The following UBE2E2 variants were observed in gnomAD, a reference collection of about 807,000 sequenced individuals.
UBE2E2 encodes ubiquitin-conjugating enzyme E2 E2.
A neutral mutation model predicts 24.7 loss-of-function variants in UBE2E2; 6 were observed. The observed-to-expected ratio is 0.24, with a 90% confidence interval of 0.13 to 0.48. UBE2E2 has a LOEUF of 0.48. Ranked by LOEUF, UBE2E2 falls within the 20% of genes least tolerant of loss-of-function variation. The probability of loss-of-function intolerance (pLI) is 0.99; values close to 1 mark genes in which losing one functional copy is unlikely to be tolerated. For missense variants in UBE2E2, 169 were observed against 245.0 expected (o/e 0.69, Z 2.07); for synonymous variants, 104 against 83.6 (o/e 1.24, Z -1.33).
At chr3:23,290,889 TAAAAAA>T (rs71051209) in intron 3 of UBE2E2, among the ~76,000 whole-genome samples, 4 of 86,744 alleles carry the variant, frequency 4.6e-5, no homozygotes, top group African/African-American at 9.7e-5. Context: ...ACTGTGTGTC[TAAAAAA>T]AAAAAAAAAA....
chr3:23,240,380 T>C (rs1697226359), intron 3 of UBE2E2, among the ~76,000 whole-genome samples: 1 of 152,236 alleles, frequency 6.6e-6, no homozygotes, highest in African/African-American at 2.4e-5. Flanking sequence ...TTCAAACACT[T>C]ACCAAATAAA....
intron 3 of UBE2E2, among the ~76,000 whole-genome samples, chr3:23,295,638 G>A (rs1450114606): frequency 2.6e-5 from 4 of 152,134 alleles, no homozygotes; most frequent in Non-Finnish European, 5.9e-5. Context: ...GGTGGCTAGT[G>A]GAAGTTTGGG....
intron 3 of UBE2E2, among the ~76,000 whole-genome samples, chr3:23,437,566 A>G (rs1257839498): frequency 6.6e-6 from 1 of 152,212 alleles, no homozygotes; most frequent in Non-Finnish European, 1.5e-5. Context: ...ATTAAGGGTA[A>G]AAGAAGTAGT....
At chr3:23,572,169 A>G (rs1453090025) in intron 5 of UBE2E2, among the ~76,000 whole-genome samples, 3 of 152,300 alleles carry the variant, frequency 2.0e-5, no homozygotes, top group Non-Finnish European at 4.4e-5. Context: ...AATCATGGAA[A>G]TGATCGTTTT....
intron 5 of UBE2E2, among the ~76,000 whole-genome samples, chr3:23,547,502 C>T (rs912075310): frequency 6.6e-6 from 1 of 152,196 alleles, no homozygotes; most frequent in Admixed American, 6.5e-5. Flanking sequence ...ATTCAGTCTA[C>T]ATTTATAATG....
At chr3:23,227,228 A>T (rs964910501) in intron 3 of UBE2E2, among the ~76,000 whole-genome samples, 20 of 152,226 alleles carry the variant, frequency 1.3e-4, no homozygotes, top group African/African-American at 4.3e-4. Context: ...TTTGCTCCTC[A>T]GTTTTAGTAA....
At chr3:23,225,856 A>G (rs1696805304) in intron 3 of UBE2E2, among the ~76,000 whole-genome samples, 1 of 151,172 alleles carries the variant, frequency 6.6e-6, no homozygotes, top group Non-Finnish European at 1.5e-5. Flanking sequence ...CATGGGAGCC[A>G]TTTTATAGAA....
chr3:23,514,403 C>T (rs532458646), intron 4 of UBE2E2, among the ~76,000 whole-genome samples: 12 of 152,114 alleles, frequency 7.9e-5, no homozygotes, highest in Non-Finnish European at 1.3e-4. Flanking sequence ...ATCCTTAACA[C>T]TTCTGAAATC....
chr3:23,532,457 T>C, intron 4 of UBE2E2, 97 bp from the exon 5 acceptor site: 26 of 1,124,544 alleles, frequency 2.3e-5, no homozygotes, highest in Non-Finnish European at 3.1e-5. Context: ...GGCTATTTTG[T>C]CTGATAAAAT....
At chr3:23,514,803 G>C (rs1694691950) in intron 4 of UBE2E2, among the ~76,000 whole-genome samples, 1 of 151,902 alleles carries the variant, frequency 6.6e-6, no homozygotes, top group Non-Finnish European at 1.5e-5. Flanking sequence ...TAAGAATTGA[G>C]GCCACAGTAC....
rs1695685150 is a variant in UBE2E2, at chr3:23,349,922, G to A, written c.227+132610G>A. 1.3e-5 allele frequency among the ~76,000 whole-genome samples: 2 copies of A among 152,248 alleles called. 1 individual carries two copies. Among genetic ancestry groups the A allele is most frequent in the South Asian group, 4.1e-4 (2 of 4,836 alleles). ...GCAGCTGGAGATCTGAGAACGGGCAGACTGCCTCCTCAAGTGGGTCCCTGA... is the reference window on the plus strand; with the variant it reads ...GCAGCTGGAGATCTGAGAACGGGCAAACTGCCTCCTCAAGTGGGTCCCTGA... On this transcript the variant is annotated intron_variant, in intron 3 of 5. Transcript: ENST00000396703.
At chr3:23,411,207 C>G (rs1697488641) in intron 3 of UBE2E2, among the ~76,000 whole-genome samples, 2 of 152,288 alleles carry the variant, frequency 1.3e-5, no homozygotes, top group Middle Eastern at 3.4e-3. Context: ...GTTGAGCCCT[C>G]TCTGCTCCTG....
chr3:23,263,011 C>A (rs554307212), intron 3 of UBE2E2, among the ~76,000 whole-genome samples: 2 of 152,168 alleles, frequency 1.3e-5, no homozygotes, highest in South Asian at 4.1e-4. Context: ...AAATTACTTC[C>A]TACTGATGAG....
intron 5 of UBE2E2, among the ~76,000 whole-genome samples, chr3:23,584,783 C>T (rs1696579978): frequency 7.2e-6 from 1 of 138,232 alleles, no homozygotes; most frequent in East Asian, 2.1e-4. Flanking sequence ...GTTGCCCAGG[C>T]TTGGTCTCAA....
chr3:23,576,375 T>C (rs181141337), intron 5 of UBE2E2, among the ~76,000 whole-genome samples: 1 of 152,106 alleles, frequency 6.6e-6, no homozygotes, highest in African/African-American at 2.4e-5. Flanking sequence ...ATCCAAGAAA[T>C]GGCAAAGTGC....
chr3:23,226,007 G>A (rs948399191), intron 3 of UBE2E2, among the ~76,000 whole-genome samples: 1 of 152,076 alleles, frequency 6.6e-6, no homozygotes, highest in African/African-American at 2.4e-5. Flanking sequence ...AGCCTTCTGA[G>A]TAGCTGGAAC....
chr3:23,466,570 T>C (rs1426644558), intron 3 of UBE2E2, among the ~76,000 whole-genome samples: 1 of 151,712 alleles, frequency 6.6e-6, no homozygotes, highest in Admixed American at 6.6e-5. Context: ...TGTTTTTGTT[T>C]TTGTTTTTTG....
At chr3:23,320,654 G>C (rs1033845876) in intron 3 of UBE2E2, among the ~76,000 whole-genome samples, 1 of 152,218 alleles carries the variant, frequency 6.6e-6, no homozygotes, top group African/African-American at 2.4e-5. Flanking sequence ...CCTGGGTTCA[G>C]CCAAGGGCTT....
chr3:23,312,179 A>C (rs12496983), intron 3 of UBE2E2, among the ~76,000 whole-genome samples: 61,926 of 151,800 alleles, frequency 0.41, 13,243 homozygotes, highest in Admixed American at 0.53. Context: ...GCCTCCCCCC[A>C]AAAAAAAGCT....
Sources: allele counts gnomAD v4.1 joint callset (sites outside exome capture counted in the v4.1 genomes callset), GRCh38; gene constraint gnomAD v4.1.1; transcripts MANE v1.5; gene names NCBI Gene and HGNC (gene_info 2026-07-23, HGNC 2026-07-21).